NSUN3: variants seen among roughly 807,000 people sequenced by gnomAD.
The protein encoded by NSUN3 is tRNA (cytosine(34)-C(5))-methyltransferase, mitochondrial.
NSUN3 carries 24 observed loss-of-function variants against 36.8 expected under a neutral mutation model. That is an observed-to-expected ratio of 0.65 (90% CI 0.47 to 0.92). The LOEUF (loss-of-function observed/expected upper bound fraction) is 0.92, where lower values mean the gene tolerates loss of function less well. Ranked by LOEUF, NSUN3 falls within the 40% of genes least tolerant of loss-of-function variation. The pLI is 0.00. For missense variants in NSUN3, 381 were observed against 392.8 expected, an observed-to-expected ratio of 0.97 and a Z score of 0.25; for synonymous variants, 146 against 145.2, an observed-to-expected ratio of 1.01 and a Z score of -0.04.
chr3:94,110,842 G>A (rs570514744), intron 5 of NSUN3, among the ~76,000 whole-genome samples: 18 of 151,532 alleles, frequency 1.2e-4, no homozygotes, highest in East Asian at 3.9e-4. Flanking sequence ...GTGTGTGTGT[G>A]TATATCTGCT....
chr3:94,094,090 T>C, intron 3 of NSUN3, 50 bp from the exon 4 acceptor site: 1 of 1,372,378 alleles, frequency 7.3e-7, no homozygotes. Context: ...AAGTAGAAAT[T>C]TAACAGTTCC....
intron 5 of NSUN3, among the ~76,000 whole-genome samples, chr3:94,112,987 C>T (rs955669965): frequency 1.3e-5 from 2 of 152,144 alleles, no homozygotes; most frequent in Non-Finnish European, 2.9e-5. Context: ...GCCTCAGCCT[C>T]CCAAGTAGCT....
chr3:94,119,836 A>G (rs2077454312), intron 5 of NSUN3, among the ~76,000 whole-genome samples: 1 of 152,234 alleles, frequency 6.6e-6, no homozygotes, highest in Non-Finnish European at 1.5e-5. Context: ...AATCCCTAAC[A>G]TTTGCCTTAT....
chr3:94,122,899 T>C (rs1423323389), intron 5 of NSUN3, among the ~76,000 whole-genome samples: 1 of 152,164 alleles, frequency 6.6e-6, no homozygotes, highest in African/African-American at 2.4e-5. Flanking sequence ...ATTCTGAACA[T>C]TGAAGACCCA....
In NSUN3 at chr3:94,117,131, T is replaced by A. The variant is rs560288209; in HGVS notation, c.744-9080T>A. Among the ~76,000 whole-genome samples the A allele has an allele frequency of 9.2e-5, 14 of 151,482 alleles. No homozygotes were observed. The South Asian group carries it at 2.9e-3, about 32-fold the overall frequency. ...CTCCTGTCTTAGCCTCCCCAGTGGC[T>A]GGGGTTATAGGCGCACGCCACCACA... On this transcript the variant is annotated intron_variant, in intron 5 of 5. Coordinates refer to ENST00000314622, the MANE Select transcript of NSUN3 (RefSeq NM_022072.5).
At chr3:94,102,940 G>A (rs555444055) in intron 5 of NSUN3, among the ~76,000 whole-genome samples, 2 of 152,144 alleles carry the variant, frequency 1.3e-5, no homozygotes, top group Admixed American at 1.3e-4. Flanking sequence ...AGGCTGGAGT[G>A]CAGTGGCATG....
At chr3:94,116,477 T>C in intron 5 of NSUN3, among the ~76,000 whole-genome samples, 1 of 152,192 alleles carries the variant, frequency 6.6e-6, no homozygotes, top group East Asian at 1.9e-4. Flanking sequence ...AATCCAGTTT[T>C]CCTTAGAAAA....
intron 2 of NSUN3, among the ~76,000 whole-genome samples, chr3:94,066,276 A>C (rs1027630789): frequency 1.3e-5 from 2 of 152,162 alleles, no homozygotes; most frequent in African/African-American, 2.4e-5. Flanking sequence ...GTGGTAATTT[A>C]AGTTTTGCAT....
At chr3:94,077,160 TTC>T (rs2077249790) in intron 2 of NSUN3, 2 of 720,920 alleles carry the variant, frequency 2.8e-6, no homozygotes, top group African/African-American at 3.5e-5. Context: ...CAAAGGCTGC[TTC>T]CTTGTCAGTC....
chr3:94,072,993 C>A (rs2077230451), intron 2 of NSUN3, among the ~76,000 whole-genome samples: 1 of 152,070 alleles, frequency 6.6e-6, no homozygotes, highest in Non-Finnish European at 1.5e-5. Context: ...GTGATGTTCC[C>A]CTCCCTGTGT....
chr3:94,120,861 T>C (rs2077458304), intron 5 of NSUN3, among the ~76,000 whole-genome samples: 2 of 152,222 alleles, frequency 1.3e-5, no homozygotes, highest in South Asian at 4.1e-4. Context: ...TTGTTTTCCA[T>C]AGTGGCTATA....
chr3:94,115,288 C>T (rs535870325), intron 5 of NSUN3, among the ~76,000 whole-genome samples: 1 of 152,224 alleles, frequency 6.6e-6, no homozygotes, highest in African/African-American at 2.4e-5. Flanking sequence ...TAAATTTCTA[C>T]AGTCTTACTT....
chr3:94,113,323 G>A (rs1051554310), intron 5 of NSUN3, among the ~76,000 whole-genome samples: 3 of 152,176 alleles, frequency 2.0e-5, no homozygotes, highest in Non-Finnish European at 2.9e-5. Flanking sequence ...TCCTGGTTTG[G>A]ACATTTCCAG....
intron 2 of NSUN3, among the ~76,000 whole-genome samples, chr3:94,083,251 C>T (rs1314999334): frequency 6.6e-6 from 1 of 152,050 alleles, no homozygotes; most frequent in Non-Finnish European, 1.5e-5. Flanking sequence ...TGCAAGTTGT[C>T]CAGGTTCTTG....
intron 2 of NSUN3, among the ~76,000 whole-genome samples, chr3:94,077,807 C>T (rs904616317): frequency 7.9e-5 from 12 of 151,910 alleles, no homozygotes; most frequent in African/African-American, 4.8e-5. Context: ...TTTTTTATTG[C>T]GTCTATTTGA....
chr3:94,064,648 T>A, intron 2 of NSUN3, 102 bp downstream of exon 2: 1 of 675,706 alleles, frequency 1.5e-6, no homozygotes, highest in Non-Finnish European at 2.5e-6. Context: ...CAAAGGAATC[T>A]AAATCTGGTT....
At chr3:94,121,920 G>A (rs1007024499) in intron 5 of NSUN3, among the ~76,000 whole-genome samples, 7 of 152,106 alleles carry the variant, frequency 4.6e-5, no homozygotes, top group East Asian at 1.9e-4. Context: ...CAAGGCGGGC[G>A]GATCACCTGA....
chr3:94,077,003 C>G (rs1193332098), intron 2 of NSUN3: 1 of 899,428 alleles, frequency 1.1e-6, no homozygotes, highest in Non-Finnish European at 1.9e-6. Flanking sequence ...AAATCTTTCC[C>G]TTCTGGTCTG....
intron 5 of NSUN3, among the ~76,000 whole-genome samples, chr3:94,118,192 A>T (rs1481924165): frequency 2.0e-5 from 3 of 152,210 alleles, no homozygotes; most frequent in Non-Finnish European, 2.9e-5. Flanking sequence ...CATGTATCAA[A>T]ATAAAACATA....
Sources: gnomAD v4.1 joint callset for allele counts (sites outside exome capture counted in the v4.1 genomes callset) on GRCh38, gnomAD v4.1.1 for gene constraint, MANE v1.5 for transcripts, NCBI Gene and HGNC (gene_info 2026-07-23, HGNC 2026-07-21) for gene names.